The following SNX16 variants were observed in gnomAD, a reference collection of about 807,000 sequenced individuals.
SNX16 encodes the protein sorting nexin 16, also known as sorting nexin-16.
A neutral mutation model predicts 36.7 loss-of-function variants in SNX16; 35 were observed. The observed-to-expected ratio is 0.95, with a 90% CI of 0.73 to 1.27. The LOEUF is 1.27. SNX16 is among the 50% of genes most tolerant of loss of function. The pLI, the probability that SNX16 is intolerant of heterozygous loss-of-function variation, is 0.00. For synonymous variants in SNX16, 134 were observed against 132.0 expected, an observed-to-expected ratio of 1.02 and a Z score of -0.10; for missense variants, 367 against 393.6, an observed-to-expected ratio of 0.93 and a Z score of 0.57.
chr8:81,805,773 T>G (rs1809906224), intron 5 of SNX16, among the ~76,000 whole-genome samples: 1 of 151,668 alleles, frequency 6.6e-6, no homozygotes, highest in Non-Finnish European at 1.5e-5. Flanking sequence ...ACAAAAAAAT[T>G]AGCTGGGCGT....
chr8:81,834,038 AT>A (rs1269190679), intron 2 of SNX16, among the ~76,000 whole-genome samples: 10 of 152,314 alleles, frequency 6.6e-5, no homozygotes, highest in African/African-American at 2.4e-4. Flanking sequence ...GTATTAGTCC[AT>A]TTCATGCTGC....
At chr8:81,840,840 T>G (rs1239884203) in intron 1 of SNX16, among the ~76,000 whole-genome samples, 1 of 152,236 alleles carries the variant, frequency 6.6e-6, no homozygotes, top group African/African-American at 2.4e-5. Context: ...CAGTATATCT[T>G]GTGTCAGAAT....
chr8:81,805,861 C>T (rs2130594791), intron 5 of SNX16, among the ~76,000 whole-genome samples: 1 of 152,082 alleles, frequency 6.6e-6, no homozygotes, highest in South Asian at 2.1e-4. Flanking sequence ...GCGGAGCTTG[C>T]AGCAAGCCGA....
chr8:81,813,725 A>G (rs1469550146), intron 5 of SNX16, among the ~76,000 whole-genome samples: 1 of 151,972 alleles, frequency 6.6e-6, no homozygotes, highest in Non-Finnish European at 1.5e-5. Context: ...TTATAACTGA[A>G]TAAGATAAAC....
chr8:81,816,603 C>T (rs1032647878), intron 4 of SNX16, among the ~76,000 whole-genome samples: 3 of 152,104 alleles, frequency 2.0e-5, no homozygotes, highest in African/African-American at 7.2e-5. Flanking sequence ...AGGAGGTGTC[C>T]ATGAAGAGTT....
chr8:81,801,597 C>CGAA lies in SNX16; in HGVS notation c.939-5_939-4insTTC. On this transcript the variant is annotated splice_region_variant and splice_polypyrimidine_tract_variant and intron_variant, in intron 7 of 7. Coordinates refer to ENST00000345957, the MANE Select transcript of SNX16 (RefSeq NM_152836.3). The stretch of plus-strand genomic sequence containing the variant: ...TAAGCATGGTTTATTATCAGCTCTG[C>CGAA]AAAAAAAAAAAAAAAAGGAACATAT... The CGAA allele has an allele frequency of 9.5e-7, 1 of 1,052,950 alleles. No individual in the cohort carries two copies. The highest frequency in any genetic ancestry group is 3.7e-5 in the Admixed American group (1 of 27,348). The allele number at this position is 1,052,950 out of a possible 1,614,324, so 65.2% of individuals were successfully genotyped here.
At chr8:81,816,476 C>A (rs1810501588) in intron 4 of SNX16, among the ~76,000 whole-genome samples, 1 of 151,900 alleles carries the variant, frequency 6.6e-6, no homozygotes, top group Admixed American at 6.6e-5. Flanking sequence ...AGGCACGAAC[C>A]ACCGCGACCG....
At chr8:81,837,172 G>A (rs757284066) in intron 2 of SNX16, among the ~76,000 whole-genome samples, 10 of 152,076 alleles carry the variant, frequency 6.6e-5, no homozygotes, top group African/African-American at 9.7e-5. Flanking sequence ...CATATCAGGC[G>A]TCTTATTATT....
chr8:81,840,331 AGTATTTC>A (rs1481575678), intron 1 of SNX16: 2 of 186,600 alleles, frequency 1.1e-5, no homozygotes, highest in African/African-American at 4.7e-5. Flanking sequence ...TCCCTTGTGA[AGTATTTC>A]TGTAAAGTTC....
intron 5 of SNX16, among the ~76,000 whole-genome samples, chr8:81,811,505 T>C (rs868437639): frequency 5.9e-5 from 9 of 152,130 alleles, no homozygotes; most frequent in Middle Eastern, 3.4e-3. Context: ...ATAAGCAAAA[T>C]TTATGACCAA....
intron 4 of SNX16, among the ~76,000 whole-genome samples, chr8:81,820,053 T>C (rs907837229): frequency 2.0e-5 from 3 of 152,090 alleles, no homozygotes; most frequent in African/African-American, 7.2e-5. Context: ...TTTGGCCAGC[T>C]AAAGATACTA....
At chr8:81,816,195 T>TTTTTA (rs1810481174) in intron 4 of SNX16, among the ~76,000 whole-genome samples, 1 of 151,672 alleles carries the variant, frequency 6.6e-6, no homozygotes, top group South Asian at 2.1e-4. Context: ...TTTTTTTTTT[T>TTTTTA]TAAGACGAGT....
At chr8:81,808,600 A>C in intron 5 of SNX16, 1 of 962,668 alleles carries the variant, frequency 1.0e-6, no homozygotes, top group Non-Finnish European at 1.7e-6. Flanking sequence ...GGACCCATGA[A>C]GATGGGAAAC....
At chr8:81,833,399 T>TAAAAA (rs150120476) in intron 2 of SNX16, among the ~76,000 whole-genome samples, 1 of 151,076 alleles carries the variant, frequency 6.6e-6, no homozygotes, top group Non-Finnish European at 1.5e-5. Flanking sequence ...CTTTGAAGTT[T>TAAAAA]AAAAAAATAA....
intron 1 of SNX16, 182 bp from the exon 2 acceptor site, chr8:81,840,264 TCA>T: frequency 3.5e-6 from 1 of 285,522 alleles, no homozygotes. Context: ...CAAAACTACT[TCA>T]CACTCTTTTT....
intron 5 of SNX16, among the ~76,000 whole-genome samples, chr8:81,805,690 C>T (rs997028962): frequency 3.3e-5 from 5 of 152,064 alleles, no homozygotes; most frequent in South Asian, 2.1e-4. Context: ...GAGGCTGAGG[C>T]GGGCAGATCA....
intron 4 of SNX16, among the ~76,000 whole-genome samples, chr8:81,821,746 A>G (rs1410048044): frequency 6.6e-6 from 1 of 152,034 alleles, no homozygotes; most frequent in Non-Finnish European, 1.5e-5. Flanking sequence ...ATCAATAGTT[A>G]TATCATTCAC....
chr8:81,816,945 T>C (rs1391018943), intron 4 of SNX16, among the ~76,000 whole-genome samples: 1 of 152,220 alleles, frequency 6.6e-6, no homozygotes, highest in Non-Finnish European at 1.5e-5. Context: ...TGGCCTCTAG[T>C]AGAAAACTGC....
intron 5 of SNX16, chr8:81,808,271 A>G: frequency 8.6e-7 from 1 of 1,162,756 alleles, no homozygotes; most frequent in Admixed American, 1.7e-5. Flanking sequence ...ATTCAGAAAC[A>G]CTATACCATG....
Sources: gnomAD v4.1 joint callset for allele counts (sites outside exome capture counted in the v4.1 genomes callset) on GRCh38, gnomAD v4.1.1 for gene constraint, MANE v1.5 for transcripts, NCBI Gene and HGNC (gene_info 2026-07-23, HGNC 2026-07-21) for gene names.